Variants in NPC1 observed in about 807,000 individuals in gnomAD.
NPC1 encodes Niemann-Pick C1 protein.
In NPC1, 85 loss-of-function variants were observed where a neutral mutation model predicts 140.4. The observed-to-expected ratio is 0.61, with a 90% CI of 0.51 to 0.72. NPC1 has a LOEUF of 0.72. Ranked by LOEUF, NPC1 falls within the 30% of genes least tolerant of loss-of-function variation. The pLI is 0.00. For missense variants in NPC1, 1,504 were observed against 1,623.8 expected (o/e 0.93, Z 1.27); for synonymous variants, 656 against 624.8 (o/e 1.05, Z -0.74).
intron 14 of NPC1, 119 bp downstream of exon 14, chr18:23,543,332 GAAAA>G: frequency 1.9e-5 from 8 of 421,300 alleles, no homozygotes; most frequent in Admixed American, 4.3e-5. Flanking sequence ...CCGTCTCAGA[GAAAA>G]AAAAAAAAAA....
At chr18:23,512,212 G>A (rs900568547) in intron 3 of NPC1, among the ~76,000 whole-genome samples, 3 of 151,832 alleles carry the variant, frequency 2.0e-5, no homozygotes, top group South Asian at 2.1e-4. Flanking sequence ...GAAGAGGTGG[G>A]GTTTCACCAT....
At chr18:23,516,343 C>T in intron 3 of NPC1, 1 of 1,614,208 alleles carries the variant, frequency 6.2e-7, no homozygotes, top group Non-Finnish European at 8.5e-7. Context: ...CGAAGCTGCC[C>T]AAATTTGAGA....
rs766114585 is a variant in NPC1, at chr18:23,541,428, A to G, written c.2251T>C (p.Leu751=). Residue 751 remains leucine, a synonymous_variant, in exon 15 of 25, where the codon TTG becomes CTG. Transcript: ENST00000269228. ...GTGTGCACGGCTGGCATCACGGACA[A>G]TGCTCCTGTCGGGGAGAGAAGGGCT... ...SETVAFFLGA[L]SVMPAVHTFS... 2 of 1,614,104 alleles carry G rather than the reference A, an allele frequency of 1.2e-6. No homozygotes were observed. Among genetic ancestry groups the G allele is most frequent in the African/African-American group, 1.3e-5 (1 of 74,940 alleles).
rs201901403 is a variant in NPC1 at position 23,572,983 on chromosome 18, T to TA, written c.180+468dup. On this transcript the variant is annotated intron_variant, in intron 2 of 24. Transcript: ENST00000269228. ...AATATCCCTGTGTATCACAGGATGGTAAAAAAAGAACAGGAATCAGAATCC... is the reference window on the plus strand; with the variant it reads ...AATATCCCTGTGTATCACAGGATGGTAAAAAAAAGAACAGGAATCAGAATCC... Among the ~76,000 whole-genome samples the TA allele has an allele frequency of 9.0e-3, 1,372 of 152,146 alleles. 17 individuals carry two copies. The highest frequency in any genetic ancestry group is 0.031 in the African/African-American group (1,303 of 41,472).
At chr18:23,515,972 T>C (rs1188872151) in intron 3 of NPC1, 3 of 1,614,142 alleles carry the variant, frequency 1.9e-6, no homozygotes, top group Non-Finnish European at 2.5e-6. Context: ...TCCTGGAGAA[T>C]GTCCTGCAGC....
At chr18:23,573,631 C>A in intron 1 of NPC1, 57 bp from the exon 2 acceptor site, 1 of 1,606,906 alleles carries the variant, frequency 6.2e-7, no homozygotes. Context: ...TAAATTTCAA[C>A]AAGAAGTGCC....
chr18:23,586,344 G>C lies in NPC1; in HGVS notation c.-1C>G, dbSNP rs2059419006. On this transcript the variant is annotated 5_prime_UTR_variant, in exon 1 of 25. Coordinates refer to ENST00000269228, the MANE Select transcript of NPC1 (RefSeq NM_000271.5). ...CAAGGGCCAGGCCGCGAGCGGTCAT[G>C]CTGTGGCCGCGCAAGGCTGCTGACG... The C allele has an allele frequency of 2.0e-6, 3 of 1,533,018 alleles. No individual in the cohort carries two copies. The highest frequency in any genetic ancestry group is 2.0e-5 in the Admixed American group (1 of 50,896). The allele number at this position is 1,533,018 out of a possible 1,614,324, so 95.0% of individuals were successfully genotyped here.
downstream of NPC1, among the ~76,000 whole-genome samples, chr18:23,517,641 A>G (rs1021320814): frequency 7.2e-5 from 11 of 152,020 alleles, no homozygotes; most frequent in Non-Finnish European, 1.5e-4. Flanking sequence ...CAAACTTTCA[A>G]ACTTTATGGT....
At chr18:23,539,671 G>T in intron 18 of NPC1, 140 bp downstream of exon 18, 2 of 1,015,220 alleles carry the variant, frequency 2.0e-6, no homozygotes, top group Non-Finnish European at 3.0e-6. Context: ...TTAAGGTAAA[G>T]CCAGATTTAA....
rs1004933673 is a variant in NPC1, at chr18:23,586,450, G to A, written c.-107C>T. On this transcript the variant is annotated 5_prime_UTR_variant, in exon 1 of 25. Coordinates refer to ENST00000269228, the MANE Select transcript of NPC1 (RefSeq NM_000271.5). The stretch of plus-strand genomic sequence containing the variant: ...TTTCAGCACCCCGCGCAGGAGGAGC[G>A]GAGGAGCAGGAGCAGGCGCTGACCG... The A allele has an allele frequency of 4.0e-6, 6 of 1,494,576 alleles. No individual in the cohort carries two copies. Among genetic ancestry groups the A allele is most frequent in the African/African-American group, 1.4e-5 (1 of 69,518 alleles). 92.6% of individuals were successfully genotyped at this position (1,494,576 alleles called of 1,614,324 possible).
In NPC1 at chr18:23,561,374, G is replaced by A. The variant is rs1352026657; in HGVS notation, c.617C>T (p.Thr206Ile). Residue 206 changes from threonine to isoleucine, a missense_variant, in exon 5 of 25, where the codon ACT (threonine) becomes ATT (isoleucine). Transcript: ENST00000269228. ...TTTATACCTACCTGAAAACACAGGA[G>A]TGATGGTAAAAGGTGCCTGTCCATT... ...KDNGQAPFTI[T>I]PVFSDFPVHG... 1.9e-6 allele frequency: 3 copies of A among 1,614,188 alleles called. No homozygotes were observed. The highest frequency in any genetic ancestry group is 2.2e-5 in the East Asian group (1 of 44,886).
chr18:23,536,886 G>A lies in NPC1; in HGVS notation c.3042-10C>T. On this transcript the variant is annotated splice_polypyrimidine_tract_variant and intron_variant, in intron 20 of 24. Coordinates refer to ENST00000269228, the MANE Select transcript of NPC1 (RefSeq NM_000271.5). The stretch of plus-strand genomic sequence containing the variant: ...ATAGGCAGCATGTCCCCTGAGGAAA[G>A]AATCCTGGGTGTCAAGAGAGTCCAG... 6.2e-7 allele frequency: 1 copy of A among 1,611,524 alleles called. No individual in the cohort carries two copies. Among genetic ancestry groups the A allele is most frequent in the East Asian group, 2.2e-5 (1 of 44,866 alleles).
chr18:23,569,447 C>A (rs2059171492), intron 3 of NPC1, among the ~76,000 whole-genome samples: 1 of 152,108 alleles, frequency 6.6e-6, no homozygotes, highest in Non-Finnish European at 1.5e-5. Flanking sequence ...CTCAGCCTCC[C>A]AAGTAGCTAG....
At chr18:23,527,024 C>G (rs2058317031), downstream of NPC1, among the ~76,000 whole-genome samples, 1 of 152,038 alleles carries the variant, frequency 6.6e-6, no homozygotes, top group Admixed American at 6.6e-5. Context: ...GGGCCACCAC[C>G]CCTGGCCTTC....
intron 20 of NPC1, 96 bp downstream of exon 20, chr18:23,538,446 G>A: frequency 4.8e-6 from 7 of 1,457,578 alleles, no homozygotes; most frequent in South Asian, 2.3e-5. Flanking sequence ...GAGAAGAGAC[G>A]TTCCCATGCA....
At position 23,561,361 on chromosome 18, in the gene NPC1, T is replaced by C. The variant is rs752755966; in HGVS notation, c.630A>G (p.Ser210=). ...CAAACTTGGAATCTTTATACCTACC[T>C]GAAAACACAGGAGTGATGGTAAAAG... ...QAPFTITPVF[S]DFPVHGMEPM... is the part of the protein sequence containing the mutation. Residue 210 remains serine (S), a splice_region_variant and synonymous_variant, in exon 5 of 25, where the codon TCA becomes TCG. Transcript: ENST00000269228. 1 of 1,614,114 alleles carries C rather than the reference T, an allele frequency of 6.2e-7. No individual in the cohort carries two copies. The highest frequency in any genetic ancestry group is 8.5e-7 in the Non-Finnish European group (1 of 1,179,984).
chr18:23,515,773 T>C (rs2057986180), intron 3 of NPC1: 4 of 1,535,256 alleles, frequency 2.6e-6, no homozygotes, highest in Non-Finnish European at 3.6e-6. Context: ...CCTCAGGTGA[T>C]CCGCCCACCT....
chr18:23,530,078 T>C (rs747411365), downstream of NPC1: 6 of 1,614,120 alleles, frequency 3.7e-6, no homozygotes, highest in African/African-American at 1.3e-5. Flanking sequence ...ACAACCTCTT[T>C]TATATGCTGC....
chr18:23,548,212 G>A, intron 10 of NPC1, 104 bp from the exon 11 acceptor site: 2 of 755,584 alleles, frequency 2.6e-6, no homozygotes, highest in Non-Finnish European at 4.8e-6. Context: ...CTGGAGCTAT[G>A]GACTGTATCT....
Sources: allele counts gnomAD v4.1 joint callset (sites outside exome capture counted in the v4.1 genomes callset), GRCh38; gene constraint gnomAD v4.1.1; transcripts MANE v1.5; gene names NCBI Gene and HGNC (gene_info 2026-07-23, HGNC 2026-07-21).